Variants in TLE1 observed in about 807,000 individuals in gnomAD.
TLE1 encodes the protein transducin-like enhancer protein 1.
Under a neutral mutation model 89.8 loss-of-function variants are expected in TLE1, and 21 were observed. That is an observed-to-expected ratio of 0.23 (90% confidence interval 0.17 to 0.34). TLE1 has a LOEUF of 0.34. Among genes scored for constraint, TLE1 ranks in the 10% least tolerant of loss-of-function variants. The pLI is 1.00. For missense variants in TLE1, 795 were observed against 1,031.2 expected (o/e 0.77, Z 3.14); for synonymous variants, 447 against 407.6 (o/e 1.10, Z -1.16).
intron 4 of TLE1, among the ~76,000 whole-genome samples, chr9:81,660,368 T>TGG (rs1444117595): frequency 6.6e-6 from 1 of 151,548 alleles, no homozygotes; most frequent in Non-Finnish European, 1.5e-5. Context: ...AATCATACGT[T>TGG]GGTAAGTATA....
chr9:81,589,933 G>C (rs184786922), intron 16 of TLE1, among the ~76,000 whole-genome samples: 37 of 152,198 alleles, frequency 2.4e-4, no homozygotes, highest in Non-Finnish European at 4.3e-4. Flanking sequence ...ACACTTCATG[G>C]ATTTCTACAG....
intron 8 of TLE1, chr9:81,620,822 T>C: frequency 8.8e-7 from 1 of 1,141,794 alleles, no homozygotes; most frequent in Admixed American, 2.8e-5. Flanking sequence ...TCCTATTTAC[T>C]GTTTGAGAAA....
At chr9:81,661,222 CT>C (rs34179903) in intron 4 of TLE1, among the ~76,000 whole-genome samples, 3,308 of 127,764 alleles carry the variant, frequency 0.026, 133 homozygotes, top group African/African-American at 0.09. Context: ...ATATATATAT[CT>C]TTTTTTCAAG....
At chr9:81,622,254 A>G (rs1242605528) in intron 8 of TLE1, among the ~76,000 whole-genome samples, 1 of 152,150 alleles carries the variant, frequency 6.6e-6, no homozygotes, top group Non-Finnish European at 1.5e-5. Flanking sequence ...TGCAGCATCC[A>G]CGGCAGGGCT....
Position 81,669,379 on chromosome 9 carries a change from A to G in TLE1, c.235-15343T>C, listed in dbSNP as rs564451264. Among the ~76,000 whole-genome samples the G allele has an allele frequency of 1.2e-4, 18 of 152,362 alleles. No homozygotes were observed. In the South Asian group the frequency reaches 3.5e-3, roughly 30 times the overall value. On this transcript the variant is annotated intron_variant, in intron 4 of 19. Transcript: ENST00000376499. The stretch of plus-strand genomic sequence containing the variant: ...TGTTTTCAAATCCGTGGCACAAGCC[A>G]GGAACCAGTTAAACAATATATTAAT...
rs554205588 is a variant in TLE1, at chr9:81,680,698, G to C, written c.234+4978C>G. Among the ~76,000 whole-genome samples, 53 of 152,148 alleles carry C rather than the reference G, an allele frequency of 3.5e-4. 1 individual carries two copies. Among genetic ancestry groups the C allele is most frequent in the Admixed American group, 2.4e-3 (36 of 15,274 alleles). ...TCGGAATCTAGGCTCTAAATGCAGA[G>C]AGCTTTCTCTCTTTTAACTTATGCT... On this transcript the variant is annotated intron_variant, in intron 4 of 19. Transcript: ENST00000376499.
In TLE1 at chr9:81,600,196, A is replaced by G. The variant is rs374504106; in HGVS notation, c.1332-6922T>C. 2.6e-4 allele frequency: 174 copies of G among 658,874 alleles called. 1 individual carries two copies. In the East Asian group the frequency reaches 3.6e-3, roughly 14 times the overall value. The allele number at this position is 658,874 out of a possible 1,614,324, so 40.8% of individuals were successfully genotyped here. ...AAGAGGCTTAATATATTGCTATTTCAAAGCTAAACTAAAAAATTCCAGCAA... is the reference window on the plus strand; with the variant it reads ...AAGAGGCTTAATATATTGCTATTTCGAAGCTAAACTAAAAAATTCCAGCAA... On this transcript the variant is annotated intron_variant, in intron 14 of 19. Transcript: ENST00000376499.
At chr9:81,584,843 A>G (rs1261027774) in intron 18 of TLE1, among the ~76,000 whole-genome samples, 5 of 152,190 alleles carry the variant, frequency 3.3e-5, no homozygotes. Context: ...TCATGATAAA[A>G]TGGGATTAAA....
In TLE1 at chr9:81,688,233, G is replaced by C. The variant is rs1040825885; in HGVS notation, c.8C>G (p.Pro3Arg). 2.5e-6 allele frequency: 4 copies of C among 1,593,046 alleles called. No individual in the cohort carries two copies. Among genetic ancestry groups the C allele is most frequent in the African/African-American group, 1.4e-5 (1 of 72,876 alleles). ...GCGCCTCACCGGGTGCCGGCTCTGC[G>C]GGAACATCGCTCTGGCGGCGGCCGG... MF[P>R]QSRHPTPHQA... Residue 3 changes from proline (P) to arginine (R), a missense_variant, in exon 1 of 20, where the codon CCG (proline) becomes CGG (arginine). Physicochemically the swap from Pro to Arg is moderately radical, Grantham distance 103. Around this residue, in one of 4 missense-constraint regions of TLE1, gnomAD observed 47 missense variants for 48.5 expected, o/e 0.97. Coordinates refer to ENST00000376499, the MANE Select transcript of TLE1 (RefSeq NM_005077.5).
At chr9:81,617,611 A>C (rs2132140408) in intron 9 of TLE1, among the ~76,000 whole-genome samples, 1 of 152,326 alleles carries the variant, frequency 6.6e-6, no homozygotes, top group East Asian at 1.9e-4. Flanking sequence ...CTGAGGCACA[A>C]GGATCGTTTG....
chr9:81,668,214 T>C (rs1588190053), intron 4 of TLE1, among the ~76,000 whole-genome samples: 1 of 150,496 alleles, frequency 6.6e-6, no homozygotes, highest in African/African-American at 2.4e-5. Context: ...GAAGTTGTGG[T>C]GGGCAAGGGT....
chr9:81,616,737 TAAG>T (rs773242043), intron 9 of TLE1, 38 bp from the exon 10 acceptor site: 2 of 1,611,620 alleles, frequency 1.2e-6, no homozygotes, highest in Non-Finnish European at 1.7e-6. Flanking sequence ...TACTAAAAGC[TAAG>T]AATAGGTTTG....
At position 81,655,088 on chromosome 9, in the gene TLE1, G is replaced by A. The variant is rs188158434; in HGVS notation, c.235-1052C>T. On this transcript the variant is annotated intron_variant, in intron 4 of 19. Transcript: ENST00000376499. ...TGTTTTAAAGAAGGCAGGAAAGGCC[G>A]GGTGCGGTGGCTCGCGCCTGTAATC... 2.3e-3 allele frequency among the ~76,000 whole-genome samples: 345 copies of A among 152,276 alleles called. 5 individuals are homozygous for A. The highest frequency in any genetic ancestry group is 7.8e-3 in the African/African-American group (323 of 41,550).
chr9:81,658,789 T>A (rs1480605336), intron 4 of TLE1, among the ~76,000 whole-genome samples: 1 of 152,244 alleles, frequency 6.6e-6, no homozygotes, highest in Non-Finnish European at 1.5e-5. Flanking sequence ...GCATACAAAC[T>A]GGCAATAATT....
intron 8 of TLE1, among the ~76,000 whole-genome samples, chr9:81,630,649 C>T (rs1196860403): frequency 2.0e-5 from 3 of 152,162 alleles, no homozygotes; most frequent in African/African-American, 4.8e-5. Flanking sequence ...TGGCCTGTAG[C>T]AACCACCCTT....
At chr9:81,623,379 G>T (rs1342944789) in intron 8 of TLE1, among the ~76,000 whole-genome samples, 1 of 152,038 alleles carries the variant, frequency 6.6e-6, no homozygotes, top group African/African-American at 2.4e-5. Context: ...CCAAAATTTC[G>T]AATGCTATGT....
In TLE1 at chr9:81,687,248, T is replaced by G. The variant is rs1588285621; in HGVS notation, c.125+86A>C. ...CACGCCACCGCCTGGACGCAAGAAC[T>G]AAGTACAGGCGCCGCCGCCACCCGG... On this transcript the variant is annotated intron_variant, in intron 2 of 19. Transcript: ENST00000376499. 2.7e-6 allele frequency: 3 copies of G among 1,127,650 alleles called. No homozygotes were observed. In the East Asian group the frequency reaches 7.7e-5, roughly 29 times the overall value. 69.9% of individuals were successfully genotyped at this position (1,127,650 alleles called of 1,614,324 possible).
At chr9:81,671,768 T>C (rs1832260761) in intron 4 of TLE1, among the ~76,000 whole-genome samples, 1 of 152,230 alleles carries the variant, frequency 6.6e-6, no homozygotes, top group Non-Finnish European at 1.5e-5. Flanking sequence ...GGGTAGTCGA[T>C]TATAAAATAC....
intron 14 of TLE1, among the ~76,000 whole-genome samples, chr9:81,605,005 C>T (rs1252096489): frequency 1.3e-5 from 2 of 152,152 alleles, no homozygotes; most frequent in African/African-American, 4.8e-5. Flanking sequence ...TCATCAAGCC[C>T]CCAAGGGCAG....
Sources: gnomAD v4.1 joint callset for allele counts (sites outside exome capture counted in the v4.1 genomes callset) on GRCh38, gnomAD v4.1.1 for gene constraint, gnomAD v4.1.1 regional missense constraint, MANE v1.5 for transcripts, NCBI Gene and HGNC (gene_info 2026-07-23, HGNC 2026-07-21) for gene names.